Variants in ENPP2 observed in about 807,000 individuals in gnomAD.
ENPP2 encodes autotaxin.
Under a neutral mutation model 120.2 loss-of-function variants are expected in ENPP2, and 51 were observed. The observed-to-expected ratio is 0.42, with a 90% confidence interval of 0.34 to 0.54. The LOEUF is 0.54. Ranked by LOEUF, ENPP2 falls within the 20% of genes least tolerant of loss-of-function variation. The pLI is 0.04. For synonymous variants in ENPP2, 365 were observed against 366.4 expected (o/e 1.00, Z 0.04); for missense variants, 920 against 1,066.5 (o/e 0.86, Z 1.91).
At chr8:119,570,342 A>C (rs1814863397) in intron 20 of ENPP2, among the ~76,000 whole-genome samples, 1 of 151,622 alleles carries the variant, frequency 6.6e-6, no homozygotes, top group South Asian at 2.1e-4. Flanking sequence ...AGTATGTGGG[A>C]ACTCTGCACT....
chr8:119,603,471 A>C (rs1268566754), intron 9 of ENPP2, among the ~76,000 whole-genome samples: 1 of 152,180 alleles, frequency 6.6e-6, no homozygotes, highest in Non-Finnish European at 1.5e-5. Context: ...AGTGCCAGCT[A>C]TGAGGCCAGA....
Position 119,580,136 on chromosome 8 carries a change from T to C in ENPP2, c.1760A>G (p.His587Arg), listed in dbSNP as rs565201464. The C allele has an allele frequency of 1.2e-4, 198 of 1,613,558 alleles. 2 individuals carry two copies. The South Asian group carries it at 1.9e-3, about 16-fold the overall frequency. ...NKLDELNKRLHTKGSTEERHL... is the reference protein window; with the variant it reads ...NKLDELNKRLRTKGSTEERHL... ...CTTACCTTCTGTAGACCCTTTTGTATGAAGCCGTTTGTTGAGTTCATCCAA... is the reference window on the plus strand; with the variant it reads ...CTTACCTTCTGTAGACCCTTTTGTACGAAGCCGTTTGTTGAGTTCATCCAA... Residue 587 changes from histidine (H) to arginine (R), a missense_variant, in exon 19 of 25, where the codon CAT (histidine) becomes CGT (arginine). By Grantham distance (29) the His-to-Arg change is conservative. Coordinates refer to ENST00000075322, the MANE Select transcript of ENPP2 (RefSeq NM_001040092.3).
At chr8:119,567,347 G>A (rs954577360) in intron 22 of ENPP2, among the ~76,000 whole-genome samples, 2 of 152,158 alleles carry the variant, frequency 1.3e-5, no homozygotes, top group Admixed American at 1.3e-4. Flanking sequence ...CAGTGCTTTC[G>A]ACATTGGATA....
At chr8:119,608,286 G>A (rs1223930847) in intron 8 of ENPP2, among the ~76,000 whole-genome samples, 1 of 151,944 alleles carries the variant, frequency 6.6e-6, no homozygotes, top group Non-Finnish European at 1.5e-5. Context: ...TCATTGTTTT[G>A]AACAATTAAC....
chr8:119,640,809 C>A (rs1454668689), upstream of ENPP2, among the ~76,000 whole-genome samples: 1 of 152,212 alleles, frequency 6.6e-6, no homozygotes, highest in East Asian at 1.9e-4. Flanking sequence ...AGTGCAATGG[C>A]TCGATCTCGG....
At chr8:119,669,765 T>A (rs1232675893) in intron 1 of ENPP2, among the ~76,000 whole-genome samples, 1 of 152,168 alleles carries the variant, frequency 6.6e-6, no homozygotes, top group African/African-American at 2.4e-5. Flanking sequence ...GTAGTGTGTA[T>A]CTATACCTGA....
At position 119,570,709 on chromosome 8, in the gene ENPP2, T is replaced by A. The variant is rs1814892263; in HGVS notation, c.1913A>T (p.Lys638Ile). The A allele has an allele frequency of 2.6e-6, 4 of 1,541,720 alleles. No individual in the cohort carries two copies. Among genetic ancestry groups the A allele is most frequent in the Non-Finnish European group, 2.6e-6 (3 of 1,143,220 alleles). The change falls in exon 20 of 25, where the codon AAA becomes ATA. Residue 638 changes from lysine to isoleucine, a missense_variant. Physicochemically the swap from Lys to Ile is moderately radical, Grantham distance 102. Transcript: ENST00000075322. Reference sequence around the variant, plus strand: ...AAATCCAATTTTCTCAATGACCTGTTTGGAAACAGTATATGATGTCCAGAG... The same window carrying A: ...AAATCCAATTTTCTCAATGACCTGTATGGAAACAGTATATGATGTCCAGAG... ...MPLWTSYTVS[K>I]QAEVSSVPDH...
chr8:119,635,856 C>T (rs1816968412), intron 2 of ENPP2, among the ~76,000 whole-genome samples: 2 of 152,158 alleles, frequency 1.3e-5, no homozygotes, highest in Admixed American at 1.3e-4. Context: ...GTTTGCACTG[C>T]CACAACCTTG....
Position 119,621,530 on chromosome 8 carries a change from C to A in ENPP2, c.293-11G>T. 6.2e-7 allele frequency: 1 copy of A among 1,612,072 alleles called. No homozygotes were observed. Among genetic ancestry groups the A allele is most frequent in the Admixed American group, 1.7e-5 (1 of 59,982 alleles). On this transcript the variant is annotated splice_polypyrimidine_tract_variant and intron_variant, in intron 3 of 24. Transcript: ENST00000075322. ...ACTCCCAGCCACGGGCTAAAATCAT[C>A]CCAATAAAACATTTTCACTGCTGCA...
intron 22 of ENPP2, among the ~76,000 whole-genome samples, chr8:119,567,814 A>G (rs1322590513): frequency 6.6e-6 from 1 of 152,244 alleles, no homozygotes; most frequent in African/African-American, 2.4e-5. Flanking sequence ...TAAGATAATA[A>G]GTATTGAAAT....
Position 119,619,618 on chromosome 8 carries a change from A to G in ENPP2, c.419-314T>C, listed in dbSNP as rs565657270. On this transcript the variant is annotated intron_variant, in intron 4 of 24. Transcript: ENST00000075322. ...ATTTCATGTTTGTATCCCTCCAGAA[A>G]TAAACTGTTTGGTCATTAGATGGAA... Among the ~76,000 whole-genome samples the G allele has an allele frequency of 2.8e-4, 42 of 152,178 alleles. 1 individual carries two copies. In the South Asian group the frequency reaches 7.7e-3, roughly 28 times the overall value.
chr8:119,647,929 C>T (rs1817519790), intron 1 of ENPP2, among the ~76,000 whole-genome samples: 1 of 152,018 alleles, frequency 6.6e-6, no homozygotes, highest in African/African-American at 2.4e-5. Context: ...CACTTGAACC[C>T]AGGAGGCAGA....
At chr8:119,580,483 G>A (rs1385259670) in intron 18 of ENPP2, 1 of 296,980 alleles carries the variant, frequency 3.4e-6, no homozygotes, top group Non-Finnish European at 6.3e-6. Context: ...AAGTAAATTA[G>A]GATAGCGCCT....
At chr8:119,654,561 T>C (rs1234894019) in intron 1 of ENPP2, among the ~76,000 whole-genome samples, 1 of 150,626 alleles carries the variant, frequency 6.6e-6, no homozygotes, top group Non-Finnish European at 1.5e-5. Flanking sequence ...TCCAGACTTG[T>C]CTACAACTCC....
intron 13 of ENPP2, 42 bp downstream of exon 13, chr8:119,590,463 T>C: frequency 6.7e-7 from 1 of 1,503,396 alleles, no homozygotes; most frequent in African/African-American, 1.4e-5. Flanking sequence ...TATTCCTTTG[T>C]ATTACCACTC....
chr8:119,585,172 G>A (rs576417731), intron 15 of ENPP2, among the ~76,000 whole-genome samples: 90 of 152,220 alleles, frequency 5.9e-4, no homozygotes, highest in African/African-American at 2.0e-3. Flanking sequence ...ATTAATTTCA[G>A]TCACATCCCA....
At chr8:119,597,182 C>A (rs1331569196) in intron 11 of ENPP2, among the ~76,000 whole-genome samples, 1 of 152,124 alleles carries the variant, frequency 6.6e-6, no homozygotes, top group Non-Finnish European at 1.5e-5. Context: ...AAGACACAGC[C>A]CCAAAGACTT....
At chr8:119,584,219 A>C (rs1812949046) in intron 15 of ENPP2, among the ~76,000 whole-genome samples, 170 bp from the exon 16 acceptor site, 1 of 152,186 alleles carries the variant, frequency 6.6e-6, no homozygotes, top group Admixed American at 6.5e-5. Context: ...CATTTCTCCA[A>C]GTGACTTTTC....
chr8:119,605,388 C>T (rs577091695), intron 9 of ENPP2, among the ~76,000 whole-genome samples: 52 of 150,800 alleles, frequency 3.4e-4, no homozygotes, highest in Admixed American at 2.2e-3. Flanking sequence ...AATATGTTAG[C>T]TCATTGCATC....
Sources: gnomAD v4.1 joint callset for allele counts (sites outside exome capture counted in the v4.1 genomes callset) on GRCh38, gnomAD v4.1.1 for gene constraint, MANE v1.5 for transcripts, NCBI Gene and HGNC (gene_info 2026-07-23, HGNC 2026-07-21) for gene names.